Variants in CLCN3 observed in about 807,000 individuals in gnomAD.
CLCN3 encodes the protein Cl-/H+ antiporter 3, also known as H(+)/Cl(-) exchange transporter 3.
CLCN3 carries 16 observed loss-of-function variants against 83.4 expected under a neutral mutation model. The observed-to-expected ratio is 0.19, with a 90% CI of 0.13 to 0.29. The LOEUF is 0.29. Ranked by LOEUF, CLCN3 falls within the 10% of genes least tolerant of loss-of-function variation. CLCN3 has a pLI of 1.00. For missense variants in CLCN3, 544 were observed against 1,006.0 expected (o/e 0.54, Z 6.21); for synonymous variants, 322 against 346.2 (o/e 0.93, Z 0.78).
intron 11 of CLCN3, among the ~76,000 whole-genome samples, chr4:169,712,387 C>T (rs1457670005): frequency 6.7e-6 from 1 of 150,270 alleles, no homozygotes; most frequent in African/African-American, 2.5e-5. Context: ...TTAGTTCTTT[C>T]AACGGTGGAG....
intron 2 of CLCN3, among the ~76,000 whole-genome samples, chr4:169,678,520 CAT>C (rs1202983923): frequency 1.3e-5 from 2 of 152,116 alleles, no homozygotes; most frequent in Non-Finnish European, 2.9e-5. Context: ...AGCAGATAAA[CAT>C]GTGAACAAAG....
intron 2 of CLCN3, among the ~76,000 whole-genome samples, chr4:169,645,949 A>C (rs903048789): frequency 6.6e-6 from 1 of 152,156 alleles, no homozygotes; most frequent in Non-Finnish European, 1.5e-5. Flanking sequence ...TTTTTTCAGT[A>C]AAATTATCCT....
At chr4:169,691,778 A>G (rs572001599) in intron 6 of CLCN3, among the ~76,000 whole-genome samples, 2 of 152,326 alleles carry the variant, frequency 1.3e-5, no homozygotes, top group African/African-American at 4.8e-5. Context: ...GCTTATTTTT[A>G]CAACAGAAAT....
intron 2 of CLCN3, among the ~76,000 whole-genome samples, chr4:169,675,634 A>G (rs1731645988): frequency 6.6e-6 from 1 of 152,206 alleles, no homozygotes; most frequent in African/African-American, 2.4e-5. Flanking sequence ...TAATTTGAGG[A>G]TATAATTTAT....
At chr4:169,664,472 A>G (rs988110953) in intron 2 of CLCN3, among the ~76,000 whole-genome samples, 28 of 152,188 alleles carry the variant, frequency 1.8e-4, no homozygotes, top group African/African-American at 6.8e-4. Context: ...GGCTCTTTGT[A>G]AAATGATTTT....
At chr4:169,711,506 C>T (rs796638820) in intron 11 of CLCN3, among the ~76,000 whole-genome samples, 6 of 152,246 alleles carry the variant, frequency 3.9e-5, no homozygotes, top group South Asian at 2.1e-4. Context: ...CATGTGCCAC[C>T]GTGCCAGCTA....
intron 3 of CLCN3, chr4:169,680,835 A>AT (rs1029147642): frequency 6.6e-6 from 1 of 152,000 alleles, no homozygotes; most frequent in African/African-American, 2.4e-5. Flanking sequence ...TCCAAAATAC[A>AT]TTTTTTATTT....
intron 1 of CLCN3, among the ~76,000 whole-genome samples, chr4:169,634,526 A>G (rs990901689): frequency 1.3e-5 from 2 of 152,204 alleles, no homozygotes; most frequent in Non-Finnish European, 2.9e-5. Flanking sequence ...ATACTTTCCT[A>G]TTGTTTTAAT....
chr4:169,720,188 GA>G lies in CLCN3; in HGVS notation c.*194del. 1 of 762,550 alleles carries G rather than the reference GA, an allele frequency of 1.3e-6. No homozygotes were observed. The highest frequency in any genetic ancestry group is 2.1e-6 in the Non-Finnish European group (1 of 468,250). The allele number at this position is 762,550 out of a possible 1,614,324, so 47.2% of individuals were successfully genotyped here. Reference sequence around the variant, plus strand: ...GGAATGGAGGAGTTGTTTGGGGAGGGAAAGGAGAGAGAAGGAAAGGAGTGAG... The same window carrying G: ...GGAATGGAGGAGTTGTTTGGGGAGGGAAGGAGAGAGAAGGAAAGGAGTGAG... On this transcript the variant is annotated 3_prime_UTR_variant, in exon 13 of 13. Coordinates refer to ENST00000513761, the MANE Select transcript of CLCN3 (RefSeq NM_001829.4).
At chr4:169,628,241 A>G (rs551738866) in intron 1 of CLCN3, among the ~76,000 whole-genome samples, 9 of 152,318 alleles carry the variant, frequency 5.9e-5, no homozygotes, top group African/African-American at 2.2e-4. Context: ...TTGGGGAGGT[A>G]GGGTTAGGCA....
chr4:169,687,871 CTCT>C (rs935929876), intron 4 of CLCN3, 114 bp downstream of exon 4: 2 of 549,140 alleles, frequency 3.6e-6, no homozygotes, highest in Non-Finnish European at 6.4e-6. Flanking sequence ...GCATTTGTTT[CTCT>C]TCTTCAAAAA....
At chr4:169,712,053 A>G (rs1733240405) in intron 11 of CLCN3, among the ~76,000 whole-genome samples, 1 of 142,676 alleles carries the variant, frequency 7.0e-6, no homozygotes, top group Non-Finnish European at 1.5e-5. Flanking sequence ...TGTAGAAGCA[A>G]GGTTTCCCTA....
chr4:169,628,116 A>G (rs1257104084), intron 1 of CLCN3, among the ~76,000 whole-genome samples: 2 of 152,334 alleles, frequency 1.3e-5, no homozygotes, highest in South Asian at 2.1e-4. Context: ...CAACCCCCCA[A>G]TAAAGGAACC....
chr4:169,636,735 G>GTTGTTTTTTTTTTTTTTTTTTTTTTT lies in CLCN3; in HGVS notation c.160+649_160+650insGTTTTTTTTTTTTTTTTTTTTTTTTT, dbSNP rs1553965336. Among the ~76,000 whole-genome samples, 2 of 119,520 alleles carry GTTGTTTTTTTTTTTTTTTTTTTTTTT rather than the reference G, an allele frequency of 1.7e-5. 1 individual carries two copies. 78.4% of individuals were successfully genotyped at this position (119,520 alleles called of 152,430 possible). Reference sequence around the variant, plus strand: ...TTCTACACTGATATTTCATTATTTGGTTTTTTTTTTTTTTTTCATATTTTG... The same window carrying GTTGTTTTTTTTTTTTTTTTTTTTTTT: ...TTCTACACTGATATTTCATTATTTGGTTGTTTTTTTTTTTTTTTTTTTTTTTTTTTTTTTTTTTTTTTCATATTTTG... On this transcript the variant is annotated intron_variant, in intron 2 of 12. Transcript: ENST00000513761.
At chr4:169,647,407 T>C (rs1022926067) in intron 2 of CLCN3, among the ~76,000 whole-genome samples, 2 of 151,914 alleles carry the variant, frequency 1.3e-5, no homozygotes, top group African/African-American at 2.4e-5. Context: ...AAAAATCTTA[T>C]ATAGTTAACT....
intron 2 of CLCN3, among the ~76,000 whole-genome samples, chr4:169,667,753 C>CTT (rs894303595): frequency 6.8e-5 from 9 of 131,792 alleles, no homozygotes; most frequent in African/African-American, 1.8e-4. Context: ...ACTTTTTTTT[C>CTT]TTTTTTTTTT....
intron 11 of CLCN3, among the ~76,000 whole-genome samples, chr4:169,712,749 T>C (rs1733271306): frequency 6.6e-6 from 1 of 152,156 alleles, no homozygotes. Context: ...TTTGTGCAGG[T>C]TTTAAAATCC....
intron 2 of CLCN3, among the ~76,000 whole-genome samples, chr4:169,650,459 T>C (rs1730700451): frequency 6.6e-6 from 1 of 152,200 alleles, no homozygotes; most frequent in African/African-American, 2.4e-5. Flanking sequence ...TCCAATAACA[T>C]TGGTAGTATT....
intron 2 of CLCN3, among the ~76,000 whole-genome samples, chr4:169,640,152 TTC>T (rs1266140962): frequency 6.6e-6 from 1 of 152,204 alleles, no homozygotes; most frequent in Non-Finnish European, 1.5e-5. Flanking sequence ...TAGTAGCTGT[TTC>T]TGTTTTCTTC....
Sources: gnomAD v4.1 joint callset for allele counts (sites outside exome capture counted in the v4.1 genomes callset) on GRCh38, gnomAD v4.1.1 for gene constraint, MANE v1.5 for transcripts, NCBI Gene and HGNC (gene_info 2026-07-23, HGNC 2026-07-21) for gene names.